The following ACAN variants were observed in gnomAD, a reference collection of about 807,000 sequenced individuals.
The protein encoded by ACAN is aggrecan.
In ACAN, 47 loss-of-function variants were observed where a neutral mutation model predicts 169.1. The ratio of observed to expected loss-of-function variants is 0.28; its 90% confidence interval spans 0.22 to 0.35. The LOEUF (loss-of-function observed/expected upper bound fraction) is 0.35, where lower values mean the gene tolerates loss of function less well. Among genes scored for constraint, ACAN ranks in the 10% least tolerant of loss-of-function variants. ACAN has a pLI of 1.00. For synonymous variants in ACAN, 1,115 were observed against 1,112.2 expected (o/e 1.00, Z -0.05); for missense variants, 2,716 against 2,759.9 (o/e 0.98, Z 0.36).
intron 1 of ACAN, among the ~76,000 whole-genome samples, chr15:88,820,980 A>C (rs1294821235): frequency 2.0e-5 from 3 of 152,206 alleles, no homozygotes; most frequent in African/African-American, 7.2e-5. Flanking sequence ...CCTTCTTCAC[A>C]TGATGGCAGG....
intron 7 of ACAN, among the ~76,000 whole-genome samples, chr15:88,846,162 A>C: frequency 6.6e-6 from 1 of 152,180 alleles, no homozygotes; most frequent in South Asian, 2.1e-4. Flanking sequence ...TTCTAAGGGA[A>C]GTAGCGTGGA....
chr15:88,841,063 T>C (rs1451648075), intron 4 of ACAN, among the ~76,000 whole-genome samples: 4 of 152,332 alleles, frequency 2.6e-5, no homozygotes, highest in Admixed American at 1.3e-4. Context: ...GAGAATGGCG[T>C]GAACCCGGGA....
chr15:88,860,224 C>T (rs1409446301), intron 12 of ACAN, 102 bp from the exon 13 acceptor site: 6 of 770,586 alleles, frequency 7.8e-6, no homozygotes, highest in South Asian at 5.5e-5. Flanking sequence ...AAGCCAGCCT[C>T]GTGGACTTCA....
At chr15:88,834,830 A>G (rs1896461275) in intron 1 of ACAN, among the ~76,000 whole-genome samples, 1 of 152,122 alleles carries the variant, frequency 6.6e-6, no homozygotes, top group Admixed American at 6.5e-5. Context: ...AGCTCTAAAA[A>G]TCCTGAGGTC....
chr15:88,849,883 C>A lies in ACAN; in HGVS notation c.2026+152C>A. Reference sequence around the variant, plus strand: ...AGAGCCAGCTCTGAAACCAGCACAACGCAGGCTTTGACCCCAAGGCAAGGT... The same window carrying A: ...AGAGCCAGCTCTGAAACCAGCACAAAGCAGGCTTTGACCCCAAGGCAAGGT... On this transcript the variant is annotated intron_variant, in intron 10 of 18. Transcript: ENST00000560601. The surrounding 1 kb of genome is among the most constrained non-coding windows in gnomAD (Gnocchi z 5.1). 1.7e-6 allele frequency: 2 copies of A among 1,146,584 alleles called. No individual in the cohort carries two copies. The highest frequency in any genetic ancestry group is 2.5e-6 in the Non-Finnish European group (2 of 788,294). The allele number at this position is 1,146,584 out of a possible 1,614,324, so 71.0% of individuals were successfully genotyped here. A position where few individuals can be genotyped will look rare whatever the true frequency, so the allele number is the denominator to read the frequency against.
chr15:88,847,122 C>A, intron 7 of ACAN, 121 bp from the exon 8 acceptor site: 1 of 1,119,986 alleles, frequency 8.9e-7, no homozygotes, highest in Non-Finnish European at 1.2e-6. Context: ...TTTCAGCCTG[C>A]ATTGCCCAGA....
In ACAN at chr15:88,843,730, G is replaced by C. The variant is rs1161792204; in HGVS notation, c.1051+82G>C. The C allele has an allele frequency of 1.3e-6, 2 of 1,490,776 alleles. No individual in the cohort carries two copies. Among genetic ancestry groups the C allele is most frequent in the Admixed American group, 2.2e-5 (1 of 45,440 alleles). 92.3% of individuals were successfully genotyped at this position (1,490,776 alleles called of 1,614,324 possible). On this transcript the variant is annotated intron_variant, in intron 6 of 18. Transcript: ENST00000560601. This position sits in a 1 kb window ranked among gnomAD's most constrained non-coding sequence, Gnocchi z 4.0. ...GGGAAGAGGGGATCTTGGAAAGGGA[G>C]GGTTGGTTTTTGCCCTTGAAGGGGC...
At chr15:88,867,344 G>A (rs1471262462) in intron 13 of ACAN, among the ~76,000 whole-genome samples, 1 of 152,202 alleles carries the variant, frequency 6.6e-6, no homozygotes, top group African/African-American at 2.4e-5. Flanking sequence ...AGAGGATGGG[G>A]ATGTGCCTGT....
In ACAN at chr15:88,871,580, G is replaced by T. The variant is rs1485581603; in HGVS notation, c.7219+40G>T. ...GCCTCTGGAGCCTGAGAGGAGAGTG[G>T]CGGTGTAGGCAAAGGGCCTCACCTT... On this transcript the variant is annotated intron_variant, in intron 15 of 18. Transcript: ENST00000560601. The surrounding 1 kb of genome is among the most constrained non-coding windows in gnomAD (Gnocchi z 7.8). 1 of 1,575,846 alleles carries T rather than the reference G, an allele frequency of 6.3e-7. No individual in the cohort carries two copies. The highest frequency in any genetic ancestry group is 1.3e-5 in the African/African-American group (1 of 74,394).
intron 1 of ACAN, among the ~76,000 whole-genome samples, chr15:88,821,821 T>G (rs1896083479): frequency 6.6e-6 from 1 of 152,100 alleles, no homozygotes; most frequent in African/African-American, 2.4e-5. Flanking sequence ...TCTGGTTCAG[T>G]AATTTGCTAG....
rs1897325743 is a variant in ACAN at position 88,869,017 on chromosome 15, G to A, written c.7060+688G>A. On this transcript the variant is annotated intron_variant, in intron 14 of 18. Coordinates refer to ENST00000560601, the MANE Select transcript of ACAN (RefSeq NM_001369268.1). The surrounding 1 kb of genome is among the most constrained non-coding windows in gnomAD (Gnocchi z 4.2). ...ACTGTGTTACAAGGGGGAGGACTGA[G>A]TTACCTCTCTTGGGCCTTGCCAACC... 6.6e-6 allele frequency among the ~76,000 whole-genome samples: 1 copy of A among 152,216 alleles called. No individual in the cohort carries two copies. Among genetic ancestry groups the A allele is most frequent in the Admixed American group, 6.5e-5 (1 of 15,284 alleles).
In ACAN at chr15:88,845,889, A is replaced by C. The variant is rs1596137159; in HGVS notation, c.1429+7A>C. The C allele has an allele frequency of 6.9e-7, 1 of 1,449,080 alleles. No individual in the cohort carries two copies. The highest frequency in any genetic ancestry group is 1.5e-5 in the South Asian group (1 of 66,532). The allele number at this position is 1,449,080 out of a possible 1,614,324, so 89.8% of individuals were successfully genotyped here. ...CAGCCGCATTTGCCAGGGGGTAAGT[A>C]GCTGCCCGTGGGTGCATCCAGGGGC... On this transcript the variant is annotated splice_region_variant and intron_variant, in intron 7 of 18. Transcript: ENST00000560601.
chr15:88,812,135 T>C (rs1329307817), intron 1 of ACAN, among the ~76,000 whole-genome samples: 1 of 152,146 alleles, frequency 6.6e-6, no homozygotes, highest in Non-Finnish European at 1.5e-5. Context: ...GGTTAGCGCC[T>C]CGGCCTCCTG....
intron 2 of ACAN, among the ~76,000 whole-genome samples, 182 bp downstream of exon 2, chr15:88,836,458 C>T (rs891889049): frequency 2.0e-5 from 3 of 152,134 alleles, no homozygotes; most frequent in Non-Finnish European, 4.4e-5. Context: ...CACCCATGCG[C>T]GGGCACACTC....
At position 88,847,563 on chromosome 15, in the gene ACAN, G is replaced by A. The variant is rs182463222; in HGVS notation, c.1604+146G>A. ...TAGTGACTCAACTGAGGCATATCCC[G>A]AAAGGGTGGTGAAGGGCACCGAGTA... On this transcript the variant is annotated intron_variant, in intron 8 of 18. Transcript: ENST00000560601. 32 of 1,069,208 alleles carry A rather than the reference G, an allele frequency of 3.0e-5. No homozygotes were observed. The East Asian group carries it at 4.6e-4, about 15-fold the overall frequency. 66.2% of individuals were successfully genotyped at this position (1,069,208 alleles called of 1,614,324 possible).
chr15:88,859,166 A>T lies in ACAN; in HGVS notation c.6581A>T (p.Asp2194Val). The T allele has an allele frequency of 6.2e-7, 1 of 1,613,814 alleles. No individual in the cohort carries two copies. Among genetic ancestry groups the T allele is most frequent in the Non-Finnish European group, 8.5e-7 (1 of 1,179,894 alleles). ...TCAGCCACTCCCACGGCTTCTGGAG[A>T]CAGGACTGAAATCAGCGGAGACCTG... is the stretch of plus-strand genomic sequence containing the variant. ...LPSATPTASG[D>V]RTEISGDLSG... The change falls in exon 12 of 19, where the codon GAC (aspartate) becomes GTC (valine). Residue 2194 changes from aspartate (D) to valine (V), a missense_variant. By Grantham distance (152) the Asp-to-Val change is radical. Around this residue, in one of 3 missense-constraint regions of ACAN, gnomAD observed 1,389 missense variants for 1,363.7 expected, o/e 1.02. Coordinates refer to ENST00000560601, the MANE Select transcript of ACAN (RefSeq NM_001369268.1).
In ACAN at chr15:88,860,326, C is replaced by T. The variant is rs749098394; in HGVS notation, c.6833C>T (p.Ala2278Val). The change falls in exon 13 of 19, where the codon GCC (alanine) becomes GTC (valine). Residue 2278 changes from alanine to valine, a missense_variant and splice_region_variant. Physicochemically the swap from Ala to Val is moderately conservative, Grantham distance 64. Transcript: ENST00000560601. The part of the protein sequence containing the change: ...WKRESESTAA[A>V]PARSCAEEPC... Reference sequence around the variant, plus strand: ...TCAACCTCTCCCCTGGGGGTTGCAGCCCCCGCCAGGTCCTGTGCAGAGGAG... The same window carrying T: ...TCAACCTCTCCCCTGGGGGTTGCAGTCCCCGCCAGGTCCTGTGCAGAGGAG... The T allele has an allele frequency of 5.6e-6, 9 of 1,605,806 alleles. No homozygotes were observed. In the African/African-American group the frequency reaches 1.1e-4, roughly 19 times the overall value.
intron 1 of ACAN, among the ~76,000 whole-genome samples, chr15:88,833,699 T>G (rs1050040165): frequency 6.7e-6 from 1 of 150,036 alleles, no homozygotes; most frequent in African/African-American, 2.5e-5. Context: ...AAAATTAGTT[T>G]CTCTGCCCAC....
chr15:88,868,243 G>A lies in ACAN; in HGVS notation c.6974G>A (p.Cys2325Tyr). ...IDIDECLSSP[C>Y]LNGATCVDAI... ...ATTGATGAGTGCCTCTCAAGCCCTT[G>A]TCTGAATGGAGCCACCTGCGTGGAT... Residue 2325 changes from cysteine (C) to tyrosine (Y), a missense_variant, in exon 14 of 19, where the codon TGT becomes TAT. By Grantham distance (194) the Cys-to-Tyr change is radical (BLOSUM62 -2). Coordinates refer to ENST00000560601, the MANE Select transcript of ACAN (RefSeq NM_001369268.1). This position sits in a 1 kb window ranked among gnomAD's most constrained non-coding sequence, Gnocchi z 5.2. 1 of 702,772 alleles carries A rather than the reference G, an allele frequency of 1.4e-6. No individual in the cohort carries two copies. Among genetic ancestry groups the A allele is most frequent in the South Asian group, 1.5e-5 (1 of 67,582 alleles). The allele number at this position is 702,772 out of a possible 1,614,324, so 43.5% of individuals were successfully genotyped here.
Sources: allele counts gnomAD v4.1 joint callset (sites outside exome capture counted in the v4.1 genomes callset), GRCh38; gene constraint gnomAD v4.1.1; regional missense constraint gnomAD v4.1.1; non-coding constraint Gnocchi (gnomAD v3.1); transcripts MANE v1.5; gene names NCBI Gene and HGNC (gene_info 2026-07-23, HGNC 2026-07-21).